The following SLC2A14 variants were observed in gnomAD, a reference collection of about 807,000 sequenced individuals.
The protein encoded by SLC2A14 is solute carrier family 2, facilitated glucose transporter member 14.
SLC2A14 carries 13 observed loss-of-function variants against 43.0 expected under a neutral mutation model. That is an observed-to-expected ratio of 0.30 (90% CI 0.20 to 0.48). The LOEUF is 0.48. Ranked by LOEUF, SLC2A14 falls within the 20% of genes least tolerant of loss-of-function variation. SLC2A14 has a pLI of 0.99. For missense variants in SLC2A14, 428 were observed against 620.4 expected, an observed-to-expected ratio of 0.69 and a Z score of 3.29; for synonymous variants, 190 against 233.8, an observed-to-expected ratio of 0.81 and a Z score of 1.71.
chr12:7,882,924 C>G (rs1447137729), intron 1 of SLC2A14, among the ~76,000 whole-genome samples: 1 of 151,538 alleles, frequency 6.6e-6, no homozygotes, highest in Non-Finnish European at 1.5e-5. Flanking sequence ...CTTAAATGCT[C>G]TCCTGGCTAG....
chr12:7,881,569 C>T (rs892072262), intron 1 of SLC2A14, among the ~76,000 whole-genome samples: 6 of 152,260 alleles, frequency 3.9e-5, no homozygotes, highest in South Asian at 2.1e-4. Flanking sequence ...CTCCCCGCTC[C>T]ACCTCCGTGG....
At chr12:7,849,260 T>C (rs1014193452) in intron 2 of SLC2A14, among the ~76,000 whole-genome samples, 1 of 152,110 alleles carries the variant, frequency 6.6e-6, no homozygotes, top group African/African-American at 2.4e-5. Context: ...CCCAGCACTT[T>C]GGAAGATCGA....
At chr12:7,849,951 G>A (rs947319256) in intron 2 of SLC2A14, among the ~76,000 whole-genome samples, 14 of 150,454 alleles carry the variant, frequency 9.3e-5, no homozygotes, top group African/African-American at 3.2e-4. Flanking sequence ...ACAACACTCT[G>A]CTGTACGATG....
chr12:7,833,450 C>T (rs11056016), intron 2 of SLC2A14, among the ~76,000 whole-genome samples: 72,272 of 152,060 alleles, frequency 0.48, 18,473 homozygotes, highest in Non-Finnish European at 0.58. Flanking sequence ...AAAGAACACT[C>T]GGCTCACTAC....
At chr12:7,838,687 G>A (rs1403270288) in intron 2 of SLC2A14, among the ~76,000 whole-genome samples, 1 of 152,208 alleles carries the variant, frequency 6.6e-6, no homozygotes, top group East Asian at 1.9e-4. Flanking sequence ...AGACTTTAGG[G>A]CCTACAGGGA....
intron 2 of SLC2A14, among the ~76,000 whole-genome samples, chr12:7,854,095 T>C (rs1867156076): frequency 6.6e-6 from 1 of 152,120 alleles, no homozygotes; most frequent in Admixed American, 6.5e-5. Context: ...GACTGAGAAG[T>C]GATTAGAGTC....
At chr12:7,822,890 T>A (rs966439260) in intron 7 of SLC2A14, among the ~76,000 whole-genome samples, 1 of 152,292 alleles carries the variant, frequency 6.6e-6, no homozygotes, top group South Asian at 2.1e-4. Flanking sequence ...AAAACACTGA[T>A]AGGCACATTG....
chr12:7,884,547 T>C (rs1945655515), intron 1 of SLC2A14, among the ~76,000 whole-genome samples: 2 of 152,118 alleles, frequency 1.3e-5, no homozygotes, highest in South Asian at 4.1e-4. Flanking sequence ...ATTATTACGG[T>C]CAACAGCTTC....
intron 1 of SLC2A14, among the ~76,000 whole-genome samples, chr12:7,883,624 C>T (rs1407047370): frequency 5.8e-5 from 6 of 102,824 alleles, no homozygotes; most frequent in Non-Finnish European, 5.4e-5. Flanking sequence ...GAGACGGGGT[C>T]TCTCTCTGTC....
rs372328795 is a variant in SLC2A14 at position 7,821,194 on chromosome 12, C to A, written c.969+27G>T. On this transcript the variant is annotated intron_variant, in intron 8 of 10. Transcript: ENST00000431042. ...CTGTAGCAAGGATTCATTTCTCCCC[C>A]CAAAATTATCAAACCATCCAACTTA... 642 of 1,574,876 alleles carry A rather than the reference C, an allele frequency of 4.1e-4. 2 individuals are homozygous for A. Among genetic ancestry groups the A allele is most frequent in the Middle Eastern group, 6.7e-4 (4 of 5,976 alleles).
chr12:7,841,218 C>A (rs1304559362), intron 2 of SLC2A14, among the ~76,000 whole-genome samples: 1 of 152,116 alleles, frequency 6.6e-6, no homozygotes, highest in African/African-American at 2.4e-5. Context: ...ACCCCTAATA[C>A]TAACATTTGC....
chr12:7,861,322 G>A (rs2120995470), intron 2 of SLC2A14, among the ~76,000 whole-genome samples: 1 of 152,152 alleles, frequency 6.6e-6, no homozygotes, highest in South Asian at 2.1e-4. Context: ...ACATTTTTAA[G>A]TTGACATCTA....
At chr12:7,865,942 C>A (rs11056210) in intron 2 of SLC2A14, among the ~76,000 whole-genome samples, 59,522 of 151,842 alleles carry the variant, frequency 0.39, 11,800 homozygotes, top group East Asian at 0.54. Flanking sequence ...AGGGGCCGGG[C>A]ATGGTAGCTC....
In SLC2A14 at chr12:7,813,394, A is replaced by G. The variant is rs1270023764; in HGVS notation, c.*922T>C. ...GTCCAGTGAGGGGAACAGGCTTTCT[A>G]GAAATCACTTTCTCTTCCCTGGACT... On this transcript the variant is annotated 3_prime_UTR_variant, in exon 11 of 11. Coordinates refer to ENST00000431042, the MANE Select transcript of SLC2A14 (RefSeq NM_001286234.2). The G allele has an allele frequency of 1.1e-4, 17 of 152,208 alleles. No individual in the cohort carries two copies. The highest frequency in any genetic ancestry group is 9.8e-4 in the Admixed American group (15 of 15,266). The allele number at this position is 152,208 out of a possible 1,614,324, so 9.4% of individuals were successfully genotyped here.
chr12:7,845,610 T>C (rs112216184), intron 2 of SLC2A14, among the ~76,000 whole-genome samples: 2 of 151,178 alleles, frequency 1.3e-5, no homozygotes, highest in Admixed American at 1.3e-4. Context: ...AAACCCCATC[T>C]CTACTACAAA....
chr12:7,890,163 C>A (rs905437116), intron 1 of SLC2A14, among the ~76,000 whole-genome samples: 15 of 152,058 alleles, frequency 9.9e-5, no homozygotes, highest in Non-Finnish European at 2.1e-4. Context: ...GTTTCAGCCT[C>A]ATTTTACCCA....
At chr12:7,825,545 C>CTT (rs1469007235) in intron 7 of SLC2A14, among the ~76,000 whole-genome samples, 1 of 139,984 alleles carries the variant, frequency 7.1e-6, no homozygotes, top group Non-Finnish European at 1.7e-5. Flanking sequence ...GGGCAGATCA[C>CTT]AAAGTCAGGA....
At chr12:7,835,092 A>G (rs1592199523) in intron 2 of SLC2A14, among the ~76,000 whole-genome samples, 3 of 125,890 alleles carry the variant, frequency 2.4e-5, no homozygotes, top group East Asian at 4.5e-4. Flanking sequence ...ATCTTTCTGT[A>G]GCTCTATTAA....
chr12:7,864,252 CT>C (rs1944784304), intron 2 of SLC2A14, among the ~76,000 whole-genome samples: 2 of 152,224 alleles, frequency 1.3e-5, no homozygotes, highest in South Asian at 4.1e-4. Context: ...TACATGGGGC[CT>C]TTTGCAGAGC....
Sources: gnomAD v4.1 joint callset for allele counts (sites outside exome capture counted in the v4.1 genomes callset) on GRCh38, gnomAD v4.1.1 for gene constraint, MANE v1.5 for transcripts, NCBI Gene and HGNC (gene_info 2026-07-23, HGNC 2026-07-21) for gene names.